RAB11FIP3: variants seen among roughly 807,000 people sequenced by gnomAD.
RAB11FIP3 encodes rab11 family-interacting protein 3.
RAB11FIP3 carries 17 observed loss-of-function variants against 77.8 expected under a neutral mutation model. The ratio of observed to expected loss-of-function variants is 0.22; its 90% CI spans 0.15 to 0.33. The LOEUF (loss-of-function observed/expected upper bound fraction) is 0.33. Among genes scored for constraint, RAB11FIP3 ranks in the 10% least tolerant of loss-of-function variants. RAB11FIP3 has a pLI of 1.00. For synonymous variants in RAB11FIP3, 437 were observed against 448.2 expected, an observed-to-expected ratio of 0.98 and a Z score of 0.31; for missense variants, 1,005 against 1,011.2, an observed-to-expected ratio of 0.99 and a Z score of 0.08.
intron 9 of RAB11FIP3, among the ~76,000 whole-genome samples, chr16:517,335 G>T (rs2032461791): frequency 6.6e-6 from 1 of 152,246 alleles, no homozygotes; most frequent in East Asian, 1.9e-4. Flanking sequence ...TTGGGAGGCT[G>T]AGGCTGTTGG....
chr16:464,221 C>A (rs1247570248), intron 2 of RAB11FIP3, among the ~76,000 whole-genome samples: 1 of 152,170 alleles, frequency 6.6e-6, no homozygotes, highest in Non-Finnish European at 1.5e-5. Context: ...CAGGAGGCCT[C>A]AGAGTCTGCA....
At chr16:496,279 A>C (rs556742009) in intron 5 of RAB11FIP3, among the ~76,000 whole-genome samples, 60 of 152,328 alleles carry the variant, frequency 3.9e-4, no homozygotes, top group Admixed American at 3.5e-3. Flanking sequence ...CCCATGTGCC[A>C]CTGCAGATGG....
chr16:497,291 G>A, intron 6 of RAB11FIP3: 1 of 1,304,456 alleles, frequency 7.7e-7, no homozygotes, highest in South Asian at 1.2e-5. Flanking sequence ...TCATTTTCCA[G>A]CTTCGTATAG....
chr16:502,935 G>A (rs1048011039), intron 6 of RAB11FIP3, 69 bp from the exon 7 acceptor site: 2 of 1,240,588 alleles, frequency 1.6e-6, no homozygotes, highest in Non-Finnish European at 2.4e-6. Flanking sequence ...ACTTGGGAGT[G>A]CTTGTGCTGA....
Position 492,483 on chromosome 16 carries a change from G to GC in RAB11FIP3, c.1265+3486dup, listed in dbSNP as rs1226977037. 2.9e-4 allele frequency among the ~76,000 whole-genome samples: 26 copies of GC among 90,166 alleles called. 2 individuals carry two copies. Among genetic ancestry groups the GC allele is most frequent in the African/African-American group, 6.2e-4 (14 of 22,632 alleles). 59.2% of individuals were successfully genotyped at this position (90,166 alleles called of 152,430 possible). On this transcript the variant is annotated intron_variant, in intron 5 of 13. Coordinates refer to ENST00000262305, the MANE Select transcript of RAB11FIP3 (RefSeq NM_014700.4). Reference sequence around the variant, plus strand: ...CCGGGGAGACCCGAGGCCGCCCAGGGCCCTCCCGGGAGACCCGAGGCCGCC... The same window carrying GC: ...CCGGGGAGACCCGAGGCCGCCCAGGGCCCCTCCCGGGAGACCCGAGGCCGCC...
intron 5 of RAB11FIP3, among the ~76,000 whole-genome samples, chr16:493,667 T>C (rs141813915): frequency 0.031 from 4,689 of 152,180 alleles, 189 homozygotes; most frequent in African/African-American, 0.095. Flanking sequence ...AGTGCAGTGG[T>C]GCGATCTCGG....
chr16:489,248 C>T (rs1170552700), intron 5 of RAB11FIP3: 1 of 551,988 alleles, frequency 1.8e-6, no homozygotes, highest in Non-Finnish European at 3.2e-6. Context: ...TCCTGTGGCA[C>T]AGAGCTGTGT....
intron 2 of RAB11FIP3, among the ~76,000 whole-genome samples, chr16:465,347 T>G (rs974286506): frequency 6.6e-6 from 1 of 152,064 alleles, no homozygotes; most frequent in Non-Finnish European, 1.5e-5. Context: ...ACCACTTCCA[T>G]GAAAAACAAG....
chr16:495,946 C>T (rs1211923477), intron 5 of RAB11FIP3, among the ~76,000 whole-genome samples: 2 of 152,128 alleles, frequency 1.3e-5, no homozygotes, highest in African/African-American at 2.4e-5. Context: ...GACAGGGTTT[C>T]TCCACGTTGG....
intron 1 of RAB11FIP3, among the ~76,000 whole-genome samples, chr16:427,518 C>G (rs2054968990): frequency 6.6e-6 from 1 of 152,234 alleles, no homozygotes; most frequent in Non-Finnish European, 1.5e-5. Flanking sequence ...TGCAGTTGTT[C>G]CTGTCTACCT....
intron 1 of RAB11FIP3, among the ~76,000 whole-genome samples, chr16:451,784 G>T (rs775319376): frequency 3.0e-4 from 46 of 151,142 alleles, no homozygotes; most frequent in Non-Finnish European, 4.6e-4. Context: ...ACAGTGACCC[G>T]AGATCACACC....
intron 3 of RAB11FIP3, among the ~76,000 whole-genome samples, chr16:473,253 G>T (rs1314227052): frequency 6.6e-6 from 1 of 152,146 alleles, no homozygotes. Context: ...ACTTCAGAAG[G>T]GTGGGAACCT....
chr16:500,404 C>T (rs551628139), intron 6 of RAB11FIP3, among the ~76,000 whole-genome samples: 1 of 152,198 alleles, frequency 6.6e-6, no homozygotes, highest in Admixed American at 6.5e-5. Flanking sequence ...CAGCCCCAGC[C>T]GGACGCGGTG....
At chr16:496,720 G>A (rs914374424) in intron 5 of RAB11FIP3, 104 bp from the exon 6 acceptor site, 3 of 1,206,078 alleles carry the variant, frequency 2.5e-6, no homozygotes, top group Middle Eastern at 2.0e-4. Context: ...GAGCATTGCT[G>A]AAAGGCCGCC....
chr16:493,140 A>G (rs1034838421), intron 5 of RAB11FIP3, among the ~76,000 whole-genome samples: 2 of 151,444 alleles, frequency 1.3e-5, no homozygotes, highest in Admixed American at 1.3e-4. Flanking sequence ...AGTTCCAGCT[A>G]CTTGGGAGGC....
chr16:437,004 A>G (rs1337359329), intron 1 of RAB11FIP3, among the ~76,000 whole-genome samples: 1 of 152,022 alleles, frequency 6.6e-6, no homozygotes, highest in Non-Finnish European at 1.5e-5. Flanking sequence ...AGTCGGGTGC[A>G]GTGGCTCACA....
chr16:428,486 G>C (rs978041487), intron 1 of RAB11FIP3, among the ~76,000 whole-genome samples: 21 of 152,118 alleles, frequency 1.4e-4, no homozygotes, highest in African/African-American at 5.1e-4. Context: ...TTTGCTCCTT[G>C]TTACCATAAC....
intron 1 of RAB11FIP3, among the ~76,000 whole-genome samples, chr16:444,136 G>A (rs565134117): frequency 6.6e-6 from 1 of 152,304 alleles, no homozygotes; most frequent in African/African-American, 2.4e-5. Flanking sequence ...AGCCTCTGAA[G>A]TACATGGAGC....
At chr16:512,476 G>A (rs1056575493) in intron 9 of RAB11FIP3, among the ~76,000 whole-genome samples, 4 of 151,186 alleles carry the variant, frequency 2.6e-5, no homozygotes, top group African/African-American at 4.9e-5. Context: ...TCCTGACCTC[G>A]TGATCCACCT....
Sources: gnomAD v4.1 joint callset for allele counts (sites outside exome capture counted in the v4.1 genomes callset) on GRCh38, gnomAD v4.1.1 for gene constraint, MANE v1.5 for transcripts, NCBI Gene and HGNC (gene_info 2026-07-23, HGNC 2026-07-21) for gene names.